Variants in KPNA5 observed in about 807,000 individuals in gnomAD.
KPNA5 encodes importin subunit alpha-6.
Under a neutral mutation model 71.3 loss-of-function variants are expected in KPNA5, and 46 were observed. That is an observed-to-expected ratio of 0.65 (90% CI 0.51 to 0.83). The LOEUF (loss-of-function observed/expected upper bound fraction) is 0.83. KPNA5 is among the 40% of genes least tolerant of loss of function. The pLI is 0.00. For missense variants in KPNA5, 547 were observed against 628.3 expected, an observed-to-expected ratio of 0.87 and a Z score of 1.38; for synonymous variants, 207 against 201.4, an observed-to-expected ratio of 1.03 and a Z score of -0.24.
intron 8 of KPNA5, among the ~76,000 whole-genome samples, chr6:116,718,676 T>C (rs984648886): frequency 6.6e-6 from 1 of 152,218 alleles, no homozygotes; most frequent in Non-Finnish European, 1.5e-5. Flanking sequence ...TATCACATTT[T>C]GGGGCTTAAG....
Position 116,739,828 on chromosome 6 carries a change from C to T in KPNA5, c.*7505C>T, listed in dbSNP as rs1342009660. 2.6e-5 allele frequency: 4 copies of T among 151,468 alleles called. No homozygotes were observed. The highest frequency in any genetic ancestry group is 9.7e-5 in the African/African-American group (4 of 41,054). 9.4% of individuals were successfully genotyped at this position (151,468 alleles called of 1,614,324 possible). On this transcript the variant is annotated 3_prime_UTR_variant, in exon 14 of 14. Coordinates refer to ENST00000368564, the MANE Select transcript of KPNA5 (RefSeq NM_001366306.2). ...GCTGAAACTGTATCCCTTCCTTACACCTTATACAAAAATTAATTCAAGATG... is the reference window on the plus strand; with the variant it reads ...GCTGAAACTGTATCCCTTCCTTACATCTTATACAAAAATTAATTCAAGATG...
At chr6:116,693,021 T>G (rs1265151205) in intron 4 of KPNA5, among the ~76,000 whole-genome samples, 1 of 152,188 alleles carries the variant, frequency 6.6e-6, no homozygotes, top group Non-Finnish European at 1.5e-5. Context: ...TTTCTGAGAA[T>G]GATGGTTTCC....
At chr6:116,684,313 TTTC>T (rs1305574182) in intron 1 of KPNA5, among the ~76,000 whole-genome samples, 1 of 152,174 alleles carries the variant, frequency 6.6e-6, no homozygotes, top group East Asian at 1.9e-4. Flanking sequence ...TAATCATGCA[TTTC>T]TTTTCAATCA....
chr6:116,715,327 A>G (rs1162906053), intron 7 of KPNA5, among the ~76,000 whole-genome samples: 5 of 152,016 alleles, frequency 3.3e-5, no homozygotes, highest in Non-Finnish European at 7.4e-5. Flanking sequence ...GGGGTCCACA[A>G]CTCTAAAAGT....
rs1171844456 is a variant in KPNA5 at position 116,741,357 on chromosome 6, T to C, written c.*9034T>C. ...GTGCATAGAAATTTAGAATTACATC[T>C]TTTTTTTTAAGGTTCAGATGAGAAT... On this transcript the variant is annotated 3_prime_UTR_variant, in exon 14 of 14. Coordinates refer to ENST00000368564, the MANE Select transcript of KPNA5 (RefSeq NM_001366306.2). 1 of 65,942 alleles carries C rather than the reference T, an allele frequency of 1.5e-5. No homozygotes were observed. The highest frequency in any genetic ancestry group is 8.9e-5 in the African/African-American group (1 of 11,274). The allele number at this position is 65,942 out of a possible 1,614,324, so 4.1% of individuals were successfully genotyped here.
Position 116,722,154 on chromosome 6 carries a change from G to A in KPNA5, c.785G>A (p.Arg262Gln), listed in dbSNP as rs746703820. 2.5e-5 allele frequency: 40 copies of A among 1,601,398 alleles called. No homozygotes were observed. The Admixed American group carries it at 3.9e-4, about 15-fold the overall frequency. ...KVSPCLNVLS[R>Q]LLFSSDPDVL... ...TCACCTTGCTTAAATGTCCTGTCAC[G>A]ACTGTTGTTTAGCAGTGACCCAGAT... The change falls in exon 9 of 14, where the codon CGA becomes CAA. Residue 262 changes from arginine to glutamine, a missense_variant. Transcript: ENST00000368564.
chr6:116,715,249 T>C (rs9489019), intron 7 of KPNA5, among the ~76,000 whole-genome samples: 2,567 of 152,260 alleles, frequency 0.017, 78 homozygotes, highest in African/African-American at 0.058. Context: ...AACAAACTCC[T>C]GAAATTGCAT....
At chr6:116,715,734 G>T (rs940350180) in intron 7 of KPNA5, among the ~76,000 whole-genome samples, 1 of 151,980 alleles carries the variant, frequency 6.6e-6, no homozygotes, top group Non-Finnish European at 1.5e-5. Flanking sequence ...TGGCCAAGAT[G>T]GTGAAACCTT....
chr6:116,711,255 ATTT>A (rs56916606), intron 7 of KPNA5, among the ~76,000 whole-genome samples: 32 of 133,980 alleles, frequency 2.4e-4, no homozygotes, highest in African/African-American at 2.4e-4. Context: ...GTTTTTGTTG[ATTT>A]TTTTTTTTTT....
chr6:116,722,108 C>A lies in KPNA5; in HGVS notation c.757-18C>A. 1 of 1,460,444 alleles carries A rather than the reference C, an allele frequency of 6.8e-7. No individual in the cohort carries two copies. The highest frequency in any genetic ancestry group is 1.7e-5 in the South Asian group (1 of 60,300). 90.5% of individuals were successfully genotyped at this position (1,460,444 alleles called of 1,614,324 possible). On this transcript the variant is annotated intron_variant, in intron 8 of 13. Coordinates refer to ENST00000368564, the MANE Select transcript of KPNA5 (RefSeq NM_001366306.2). ...TAAATAGAGAAAAAATTTAAATATG[C>A]TCTTTCTTCCCTTACAGGTTTCACC...
chr6:116,713,258 C>A lies in KPNA5; in HGVS notation c.657-2961C>A, dbSNP rs887051327. Among the ~76,000 whole-genome samples, 56 of 152,128 alleles carry A rather than the reference C, an allele frequency of 3.7e-4. 2 individuals carry two copies. Among genetic ancestry groups the A allele is most frequent in the Non-Finnish European group, 7.4e-5 (5 of 68,012 alleles). On this transcript the variant is annotated intron_variant, in intron 7 of 13. Transcript: ENST00000368564. ...CTTTAGCTATTCTTGTAAAGCCAAT[C>A]TGCTAGTGATGCCTTTCCTCAGCTT...
intron 8 of KPNA5, among the ~76,000 whole-genome samples, 162 bp from the exon 9 acceptor site, chr6:116,721,964 A>G (rs974011487): frequency 1.9e-4 from 29 of 152,206 alleles, no homozygotes; most frequent in African/African-American, 6.8e-4. Context: ...AGTCATAATC[A>G]GCTTCATATT....
intron 1 of KPNA5, among the ~76,000 whole-genome samples, chr6:116,685,654 T>C (rs1252896266): frequency 6.6e-6 from 1 of 152,208 alleles, no homozygotes; most frequent in Non-Finnish European, 1.5e-5. Context: ...TTCATGGTGT[T>C]TATGTACCAC....
At chr6:116,697,289 A>G (rs1015495895) in intron 4 of KPNA5, among the ~76,000 whole-genome samples, 1 of 152,044 alleles carries the variant, frequency 6.6e-6, no homozygotes, top group Admixed American at 6.6e-5. Context: ...TAGGGTCTGG[A>G]ATTCAGTTTT....
chr6:116,705,157 T>G lies in KPNA5; in HGVS notation c.653T>G (p.Leu218Ter). ...AATTGTGAAATACTTCCACCTCTTT[T>G]AGAGTAAGTACTTTATCACAATTAA... is the stretch of plus-strand genomic sequence containing the variant. ...VLNCEILPPLLELLTNSNRLT... is the reference protein window; with the variant it reads ...VLNCEILPPL The change falls in exon 7 of 14, where the codon TTA becomes TGA. Residue 218 changes from leucine (L) to a stop codon, truncating the protein, a stop_gained. Coordinates refer to ENST00000368564, the MANE Select transcript of KPNA5 (RefSeq NM_001366306.2). LOFTEE classifies it high-confidence loss of function. 6.3e-7 allele frequency: 1 copy of G among 1,598,640 alleles called. No individual in the cohort carries two copies. The highest frequency in any genetic ancestry group is 8.6e-7 in the Non-Finnish European group (1 of 1,167,534).
In KPNA5 at chr6:116,692,099, T is replaced by A; in HGVS notation, c.183T>A (p.Ser61=). The A allele has an allele frequency of 6.2e-7, 1 of 1,613,152 alleles. No homozygotes were observed. Among genetic ancestry groups the A allele is most frequent in the Non-Finnish European group, 8.5e-7 (1 of 1,179,344 alleles). Residue 61 remains serine (S), a synonymous_variant, in exon 3 of 14, where the codon TCT becomes TCA. Coordinates refer to ENST00000368564, the MANE Select transcript of KPNA5 (RefSeq NM_001366306.2). The part of the protein sequence containing the change: ...RNVYLPRNDE[S]MLESPIQDPD... ...TCTATTTGCCCAGAAATGATGAATCTATGCTTGAAAGTCCTATACAGGATC... is the reference window on the plus strand; with the variant it reads ...TCTATTTGCCCAGAAATGATGAATCAATGCTTGAAAGTCCTATACAGGATC...
chr6:116,681,553 G>C (rs1237963933), intron 1 of KPNA5: 16 of 1,336,188 alleles, frequency 1.2e-5, no homozygotes, highest in Non-Finnish European at 1.5e-5. Context: ...CGAAGGCGTG[G>C]TGAGTTCAGA....
At chr6:116,691,883 A>G (rs533991246) in intron 2 of KPNA5, among the ~76,000 whole-genome samples, 172 bp from the exon 3 acceptor site, 7 of 152,344 alleles carry the variant, frequency 4.6e-5, no homozygotes, top group African/African-American at 1.4e-4. Context: ...GACTTCTCAT[A>G]AATACCTTAG....
At position 116,734,214 on chromosome 6, in the gene KPNA5, A is replaced by C. The variant is rs911898994; in HGVS notation, c.*1891A>C. On this transcript the variant is annotated 3_prime_UTR_variant, in exon 14 of 14. Coordinates refer to ENST00000368564, the MANE Select transcript of KPNA5 (RefSeq NM_001366306.2). ...TAAGTATCAGGTGACAGGGTATTCTACTCTTTCTAGTCAATTAAAATTGAT... is the reference window on the plus strand; with the variant it reads ...TAAGTATCAGGTGACAGGGTATTCTCCTCTTTCTAGTCAATTAAAATTGAT... The C allele has an allele frequency of 1.3e-5, 2 of 151,612 alleles. No homozygotes were observed. Among genetic ancestry groups the C allele is most frequent in the African/African-American group, 2.4e-5 (1 of 41,376 alleles). 9.4% of individuals were successfully genotyped at this position (151,612 alleles called of 1,614,324 possible).
Sources: gnomAD v4.1 joint callset for allele counts (sites outside exome capture counted in the v4.1 genomes callset) on GRCh38, gnomAD v4.1.1 for gene constraint, MANE v1.5 for transcripts, NCBI Gene and HGNC (gene_info 2026-07-23, HGNC 2026-07-21) for gene names.